Variants in ANGPT2 observed in about 807,000 individuals in gnomAD.
The protein encoded by ANGPT2 is angiopoietin 2, also known as angiopoietin-2.
In ANGPT2, 28 loss-of-function variants were observed where a neutral mutation model predicts 62.9. The observed-to-expected ratio is 0.44, with a 90% CI of 0.33 to 0.61. ANGPT2 has a LOEUF of 0.61. Ranked by LOEUF, ANGPT2 falls within the 20% of genes least tolerant of loss-of-function variation. ANGPT2 has a pLI of 0.03. For synonymous variants in ANGPT2, 284 were observed against 207.8 expected (o/e 1.37, Z -3.15); for missense variants, 727 against 594.9 (o/e 1.22, Z -2.31).
Position 6,519,256 on chromosome 8 carries a change from A to T in ANGPT2, c.927+608T>A, listed in dbSNP as rs557433051. 5.9e-5 allele frequency among the ~76,000 whole-genome samples: 9 copies of T among 152,176 alleles called. No individual in the cohort carries two copies. In the South Asian group the frequency reaches 1.9e-3, roughly 32 times the overall value. On this transcript the variant is annotated intron_variant, in intron 5 of 8. Coordinates refer to ENST00000629816, the MANE Select transcript of ANGPT2 (RefSeq NM_001118887.2). ...CATGTCACCAAGTCCACAGGTTGAA[A>T]CTGTTTTCACGATGCTAAGACACCA...
At position 6,508,956 on chromosome 8, in the gene ANGPT2, T is replaced by G; in HGVS notation, c.1303A>C (p.Lys435Gln). 6.2e-7 allele frequency: 1 copy of G among 1,614,176 alleles called. No homozygotes were observed. The highest frequency in any genetic ancestry group is 8.5e-7 in the Non-Finnish European group (1 of 1,180,022). Residue 435 changes from lysine to glutamine, a missense_variant, in exon 8 of 9, where the codon AAA becomes CAA. Coordinates refer to ENST00000629816, the MANE Select transcript of ANGPT2 (RefSeq NM_001118887.2). ...KDGDNDKCICKCSQMLTGGWW... is the reference protein window; with the variant it reads ...KDGDNDKCICQCSQMLTGGWW... ...CCTCCTGTTAGCATTTGTGAACATTTGCAAATACATTTGTCGTTGTCTCCA... is the reference window on the plus strand; with the variant it reads ...CCTCCTGTTAGCATTTGTGAACATTGGCAAATACATTTGTCGTTGTCTCCA...
At chr8:6,511,645 G>C (rs953841639) in intron 7 of ANGPT2, among the ~76,000 whole-genome samples, 6 of 152,072 alleles carry the variant, frequency 3.9e-5, no homozygotes, top group African/African-American at 1.4e-4. Context: ...CTCTTATCAT[G>C]CTAGCATCAT....
Position 6,560,520 on chromosome 8 carries a change from G to A in ANGPT2, c.288+2127C>T, listed in dbSNP as rs574413547. On this transcript the variant is annotated intron_variant, in intron 1 of 8. Transcript: ENST00000629816. ...ATTCCCAAGCCAGAAGCCGTAAACCGAGCGAGAGTGCAAATTGCCTTTCTC... is the reference window on the plus strand; with the variant it reads ...ATTCCCAAGCCAGAAGCCGTAAACCAAGCGAGAGTGCAAATTGCCTTTCTC... Among the ~76,000 whole-genome samples the A allele has an allele frequency of 7.6e-4, 115 of 152,250 alleles. No homozygotes were observed. The Middle Eastern group carries it at 0.01, about 14-fold the overall frequency.
intron 8 of ANGPT2, chr8:6,508,098 G>T (rs770477733): frequency 6.6e-6 from 1 of 152,118 alleles, no homozygotes; most frequent in Non-Finnish European, 1.5e-5. Context: ...ACTAAAAAAG[G>T]TGGATTAACT....
intron 1 of ANGPT2, among the ~76,000 whole-genome samples, chr8:6,553,604 G>C (rs1451762022): frequency 6.6e-6 from 1 of 152,032 alleles, no homozygotes; most frequent in East Asian, 1.9e-4. Flanking sequence ...CTTTGCCATA[G>C]TTTGGCTAAA....
chr8:6,519,062 T>G (rs1248316975), intron 5 of ANGPT2, among the ~76,000 whole-genome samples: 2 of 152,148 alleles, frequency 1.3e-5, no homozygotes, highest in Non-Finnish European at 2.9e-5. Context: ...TCACGTTACA[T>G]GCAGTAATTG....
Position 6,505,964 on chromosome 8 carries a change from C to CAT in ANGPT2, c.1328-2705_1328-2704dup, listed in dbSNP as rs1163521681. 4.7e-3 allele frequency among the ~76,000 whole-genome samples: 7 copies of CAT among 1,502 alleles called. 1 individual carries two copies. The highest frequency in any genetic ancestry group is 0.011 in the Non-Finnish European group (3 of 284). 1.0% of individuals were successfully genotyped at this position (1,502 alleles called of 152,430 possible). ...TTCTTTATATATGTATATATAAAAACATACATATTCTTTGTATATATAAAA... is the reference window on the plus strand; with the variant it reads ...TTCTTTATATATGTATATATAAAAACATATACATATTCTTTGTATATATAAAA... On this transcript the variant is annotated intron_variant, in intron 8 of 8. Coordinates refer to ENST00000629816, the MANE Select transcript of ANGPT2 (RefSeq NM_001118887.2).
chr8:6,528,641 G>C (rs553440883), intron 2 of ANGPT2, among the ~76,000 whole-genome samples: 1 of 152,232 alleles, frequency 6.6e-6, no homozygotes, highest in African/African-American at 2.4e-5. Context: ...GCTCTCCCGC[G>C]GATTCTCTAG....
intron 1 of ANGPT2, among the ~76,000 whole-genome samples, chr8:6,552,316 C>T (rs1342731595): frequency 6.6e-6 from 1 of 152,172 alleles, no homozygotes; most frequent in Non-Finnish European, 1.5e-5. Context: ...CATATTCACG[C>T]AGTCACAGCA....
intron 1 of ANGPT2, among the ~76,000 whole-genome samples, chr8:6,534,313 G>C (rs1013932873): frequency 6.6e-6 from 1 of 152,136 alleles, no homozygotes; most frequent in African/African-American, 2.4e-5. Flanking sequence ...AAGCAACCTC[G>C]AGATGATTTA....
chr8:6,562,527 A>C, intron 1 of ANGPT2, 120 bp downstream of exon 1: 4 of 823,156 alleles, frequency 4.9e-6, no homozygotes, highest in Non-Finnish European at 5.0e-6. Flanking sequence ...CCCGCTCTCC[A>C]GCTCTAATCC....
chr8:6,523,361 T>G (rs1357183683), intron 3 of ANGPT2, among the ~76,000 whole-genome samples: 2 of 152,176 alleles, frequency 1.3e-5, no homozygotes, highest in African/African-American at 4.8e-5. Flanking sequence ...CTAAGATACT[T>G]TATTAATGGT....
intron 2 of ANGPT2, among the ~76,000 whole-genome samples, chr8:6,528,097 A>T (rs71525734): frequency 0.24 from 36,193 of 151,888 alleles, 5,389 homozygotes; most frequent in Middle Eastern, 0.41. Flanking sequence ...GGGTTTCACC[A>T]TGTTGGCCAG....
At chr8:6,510,948 A>C (rs569349341) in intron 7 of ANGPT2, among the ~76,000 whole-genome samples, 46 of 152,314 alleles carry the variant, frequency 3.0e-4, no homozygotes, top group African/African-American at 1.0e-3. Context: ...GCAAAATGCT[A>C]ATGTCATAAA....
At chr8:6,524,538 T>TGATA (rs536199535) in intron 3 of ANGPT2, among the ~76,000 whole-genome samples, 30 of 152,222 alleles carry the variant, frequency 2.0e-4, no homozygotes, top group South Asian at 1.0e-3. Flanking sequence ...TTTCACTGAG[T>TGATA]GATAGTTGGG....
intron 4 of ANGPT2, among the ~76,000 whole-genome samples, chr8:6,520,436 G>A (rs752764585): frequency 2.6e-5 from 4 of 152,094 alleles, no homozygotes; most frequent in Non-Finnish European, 5.9e-5. Context: ...ATCCCACTGA[G>A]GACATAGTGG....
intron 1 of ANGPT2, 45 bp from the exon 2 acceptor site, chr8:6,532,532 G>T: frequency 2.1e-6 from 3 of 1,452,448 alleles, no homozygotes; most frequent in Non-Finnish European, 2.8e-6. Context: ...TCAAATGACC[G>T]GAAACCTGAT....
At chr8:6,518,005 A>T (rs935234239) in intron 5 of ANGPT2, among the ~76,000 whole-genome samples, 7 of 152,188 alleles carry the variant, frequency 4.6e-5, no homozygotes, top group South Asian at 2.1e-4. Context: ...AATGTTTCCA[A>T]CCATGACCTG....
At chr8:6,557,863 G>A (rs1208405155) in intron 1 of ANGPT2, among the ~76,000 whole-genome samples, 2 of 152,070 alleles carry the variant, frequency 1.3e-5, no homozygotes, top group Admixed American at 6.6e-5. Flanking sequence ...CTCAACTCAG[G>A]AAATCCACAA....
Sources: allele counts gnomAD v4.1 joint callset (sites outside exome capture counted in the v4.1 genomes callset), GRCh38; gene constraint gnomAD v4.1.1; transcripts MANE v1.5; gene names NCBI Gene and HGNC (gene_info 2026-07-23, HGNC 2026-07-21).